The following C9orf85 variants were observed in gnomAD, a reference collection of about 807,000 sequenced individuals.
C9orf85 encodes uncharacterized protein C9orf85.
Under a neutral mutation model 14.9 loss-of-function variants are expected in C9orf85, and 16 were observed. That is an observed-to-expected ratio of 1.08 (90% CI 0.73 to 1.63). C9orf85 has a LOEUF of 1.63. Ranked by LOEUF, C9orf85 falls within the 40% of genes most tolerant of loss-of-function variation. The pLI is 0.00. For synonymous variants in C9orf85, 45 were observed against 56.8 expected (o/e 0.79, Z 0.93); for missense variants, 172 against 186.1 (o/e 0.92, Z 0.44).
At chr9:71,962,240 A>G (rs1564097356) in intron 2 of C9orf85, among the ~76,000 whole-genome samples, 2 of 152,202 alleles carry the variant, frequency 1.3e-5, no homozygotes, top group African/African-American at 4.8e-5. Context: ...TAGCCTCTTC[A>G]TTTACTTTCA....
At chr9:71,943,276 A>C (rs1821987904) in intron 1 of C9orf85, among the ~76,000 whole-genome samples, 1 of 151,836 alleles carries the variant, frequency 6.6e-6, no homozygotes, top group African/African-American at 2.4e-5. Context: ...TTTTGTTTTC[A>C]GTTAAGAGGA....
intron 1 of C9orf85, among the ~76,000 whole-genome samples, chr9:71,946,551 T>C (rs896229791): frequency 1.3e-5 from 2 of 152,122 alleles, no homozygotes; most frequent in African/African-American, 2.4e-5. Flanking sequence ...TCCCAGCACT[T>C]TGTGAGGCCG....
In C9orf85 at chr9:71,920,063, A is replaced by G. The variant is rs564162400; in HGVS notation, c.102+8227A>G. ...ACGGGGTTTCACCATGCTGGCCAGG[A>G]CAGTCTCGATCTCTTGACCTCGTGA... On this transcript the variant is annotated intron_variant, in intron 1 of 3. Coordinates refer to ENST00000334731, the MANE Select transcript of C9orf85 (RefSeq NM_182505.5). Among the ~76,000 whole-genome samples, 216 of 152,134 alleles carry G rather than the reference A, an allele frequency of 1.4e-3. 2 individuals are homozygous for G. The highest frequency in any genetic ancestry group is 4.9e-3 in the African/African-American group (205 of 41,518).
intron 2 of C9orf85, among the ~76,000 whole-genome samples, chr9:71,956,954 GTTTAA>G (rs1426167826): frequency 6.6e-6 from 1 of 151,692 alleles, no homozygotes; most frequent in African/African-American, 2.4e-5. Context: ...AAAATTGAGT[GTTTAA>G]TTTGTGTGTT....
chr9:71,946,038 TGAAAA>T (rs903244854), intron 1 of C9orf85, among the ~76,000 whole-genome samples: 7 of 152,226 alleles, frequency 4.6e-5, no homozygotes, highest in African/African-American at 9.6e-5. Flanking sequence ...CAACACATTT[TGAAAA>T]GAAAATTACA....
chr9:71,932,610 G>A lies in C9orf85; in HGVS notation c.103-14396G>A, dbSNP rs538488746. On this transcript the variant is annotated intron_variant, in intron 1 of 3. Coordinates refer to ENST00000334731, the MANE Select transcript of C9orf85 (RefSeq NM_182505.5). ...ATTTCATCTTTATGAGACAATCTAC[G>A]ATAATAAAAAACAAAACAAAAAGAA... 4.6e-5 allele frequency among the ~76,000 whole-genome samples: 7 copies of A among 152,026 alleles called. No individual in the cohort carries two copies. The South Asian group carries it at 6.2e-4, about 14-fold the overall frequency.
chr9:71,938,959 T>C (rs1456884861), intron 1 of C9orf85, among the ~76,000 whole-genome samples: 1 of 151,740 alleles, frequency 6.6e-6, no homozygotes, highest in Non-Finnish European at 1.5e-5. Context: ...AAAATGAATG[T>C]TATAAAACAA....
chr9:71,954,115 A>G (rs922538602), intron 2 of C9orf85, among the ~76,000 whole-genome samples: 1 of 2,384 alleles, frequency 4.2e-4, no homozygotes, highest in African/African-American at 4.7e-4. Flanking sequence ...CCCAGCTTGG[A>G]AAAAAAAAAA....
At chr9:71,951,949 TA>T (rs1430361199) in intron 2 of C9orf85, among the ~76,000 whole-genome samples, 4 of 152,282 alleles carry the variant, frequency 2.6e-5, no homozygotes, top group African/African-American at 4.8e-5. Context: ...GGAATCTTGA[TA>T]TTTTTATACT....
chr9:71,966,328 CAT>C (rs1464178890), intron 2 of C9orf85, among the ~76,000 whole-genome samples: 1 of 150,698 alleles, frequency 6.6e-6, no homozygotes, highest in African/African-American at 2.5e-5. Context: ...TTTCTTTTAA[CAT>C]GTGTATTCCA....
downstream of C9orf85, among the ~76,000 whole-genome samples, chr9:71,974,083 C>T (rs1345565581): frequency 1.3e-5 from 2 of 151,526 alleles, no homozygotes; most frequent in Admixed American, 1.3e-4. Flanking sequence ...CCCGCCACCA[C>T]GCCCAGCTGA....
Position 71,959,135 on chromosome 9 carries a change from CTTT to C in C9orf85, c.209+12033_209+12035del, listed in dbSNP as rs1035865814. 1.0e-4 allele frequency among the ~76,000 whole-genome samples: 15 copies of C among 145,198 alleles called. No individual in the cohort carries two copies. The South Asian group carries it at 3.3e-3, about 32-fold the overall frequency. ...TTTATTTTAAATTTAACATTTTCTTCTTTTTTTTTTTTCTTTTTTGGGACAGAG... is the reference window on the plus strand; with the variant it reads ...TTTATTTTAAATTTAACATTTTCTTCTTTTTTTTTCTTTTTTGGGACAGAG... On this transcript the variant is annotated intron_variant, in intron 2 of 3. Coordinates refer to ENST00000334731, the MANE Select transcript of C9orf85 (RefSeq NM_182505.5).
intron 2 of C9orf85, among the ~76,000 whole-genome samples, chr9:71,954,619 G>A (rs1822338461): frequency 6.6e-6 from 1 of 152,172 alleles, no homozygotes; most frequent in Admixed American, 6.5e-5. Flanking sequence ...TTTGTAAACT[G>A]TAATGGTGCT....
chr9:71,978,936 G>A (rs372145249), intron 3 of C9orf85, among the ~76,000 whole-genome samples: 8 of 152,328 alleles, frequency 5.3e-5, no homozygotes, highest in Admixed American at 2.0e-4. Context: ...TTGGGAGGCT[G>A]AGGCAGGAGA....
intron 1 of C9orf85, among the ~76,000 whole-genome samples, chr9:71,937,581 A>G (rs1828221145): frequency 6.6e-6 from 1 of 152,216 alleles, no homozygotes; most frequent in South Asian, 2.1e-4. Flanking sequence ...TATTGTGAGT[A>G]TATTGAACAA....
At chr9:71,925,851 G>C (rs954107370) in intron 1 of C9orf85, among the ~76,000 whole-genome samples, 1 of 152,172 alleles carries the variant, frequency 6.6e-6, no homozygotes, top group Non-Finnish European at 1.5e-5. Flanking sequence ...GAGAGGATTA[G>C]ATTTATACAA....
chr9:71,917,956 G>A (rs1827695409), intron 1 of C9orf85, among the ~76,000 whole-genome samples: 1 of 152,222 alleles, frequency 6.6e-6, no homozygotes, highest in Non-Finnish European at 1.5e-5. Context: ...GCCAAGGCAG[G>A]CAGATCACTT....
intron 2 of C9orf85, among the ~76,000 whole-genome samples, chr9:71,971,021 G>A (rs932955786): frequency 2.0e-5 from 3 of 151,918 alleles, no homozygotes; most frequent in African/African-American, 7.3e-5. Context: ...TCCCAAACTG[G>A]TGGGATTACA....
chr9:71,922,851 C>T (rs1400755813), intron 1 of C9orf85, among the ~76,000 whole-genome samples: 2 of 152,312 alleles, frequency 1.3e-5, no homozygotes, highest in South Asian at 2.1e-4. Context: ...AAGACTGGGC[C>T]AGGCGTCATG....
Sources: gnomAD v4.1 joint callset for allele counts (sites outside exome capture counted in the v4.1 genomes callset) on GRCh38, gnomAD v4.1.1 for gene constraint, MANE v1.5 for transcripts, NCBI Gene and HGNC (gene_info 2026-07-23, HGNC 2026-07-21) for gene names.